PAQR8: variants seen among roughly 807,000 people sequenced by gnomAD.
PAQR8 encodes the protein progestin and adipoQ receptor family member 8.
PAQR8 carries 17 observed loss-of-function variants against 25.2 expected under a neutral mutation model. That is an observed-to-expected ratio of 0.67 (90% CI 0.46 to 1.01). PAQR8 has a LOEUF of 1.01. Ranked by LOEUF, PAQR8 falls within the 50% of genes least tolerant of loss-of-function variation. The probability of loss-of-function intolerance (pLI) is 0.00; values close to 1 mark genes in which losing one functional copy is unlikely to be tolerated. For synonymous variants in PAQR8, 204 were observed against 190.6 expected (o/e 1.07, Z -0.58); for missense variants, 392 against 448.4 (o/e 0.87, Z 1.14).
At chr6:52,389,621 T>A (rs902570927) in intron 1 of PAQR8, among the ~76,000 whole-genome samples, 2 of 152,218 alleles carry the variant, frequency 1.3e-5, no homozygotes, top group Non-Finnish European at 2.9e-5. Flanking sequence ...ATAAAGTGAC[T>A]TGCTTGACTC....
At position 52,407,769 on chromosome 6, in the gene PAQR8, G is replaced by A. The variant is rs943657496; in HGVS notation, c.*3491G>A. The A allele has an allele frequency of 2.0e-5, 3 of 147,586 alleles. No homozygotes were observed. The highest frequency in any genetic ancestry group is 4.6e-5 in the Non-Finnish European group (3 of 65,474). The allele number at this position is 147,586 out of a possible 1,614,324, so 9.1% of individuals were successfully genotyped here. A position where few individuals can be genotyped will look rare whatever the true frequency, so the allele number is the denominator to read the frequency against. On this transcript the variant is annotated 3_prime_UTR_variant, in exon 2 of 2. Coordinates refer to ENST00000442253, the MANE Select transcript of PAQR8 (RefSeq NM_133367.5). ...TATGAATAACCATTAAAGTGATTTTGTATATGCATTGTTGTAGTGTCAGCA... is the reference window on the plus strand; with the variant it reads ...TATGAATAACCATTAAAGTGATTTTATATATGCATTGTTGTAGTGTCAGCA...
intron 1 of PAQR8, among the ~76,000 whole-genome samples, chr6:52,390,631 G>A (rs1308592918): frequency 1.3e-5 from 2 of 152,186 alleles, no homozygotes; most frequent in East Asian, 1.9e-4. Context: ...TGTGGGGAAG[G>A]TCTTTTGACA....
chr6:52,379,096 CAAAAAAAAAA>C (rs70977347), intron 1 of PAQR8, among the ~76,000 whole-genome samples: 2 of 92,998 alleles, frequency 2.2e-5, no homozygotes, highest in Non-Finnish European at 4.3e-5. Flanking sequence ...TACTCTTTAT[CAAAAAAAAAA>C]AAAAAAAAAA....
At chr6:52,393,477 A>C (rs1763733920) in intron 1 of PAQR8, among the ~76,000 whole-genome samples, 1 of 151,742 alleles carries the variant, frequency 6.6e-6, no homozygotes. Flanking sequence ...TTGGGACTAC[A>C]GGTGTGCGCC....
chr6:52,382,184 C>T (rs924256571), intron 1 of PAQR8, among the ~76,000 whole-genome samples: 2 of 152,164 alleles, frequency 1.3e-5, no homozygotes, highest in Admixed American at 6.5e-5. Context: ...GTGATACAAA[C>T]TGGAGGATGC....
intron 1 of PAQR8, among the ~76,000 whole-genome samples, chr6:52,364,083 G>GTTTTTTTTTTTTGT (rs1763322753): frequency 1.2e-5 from 1 of 84,268 alleles, no homozygotes; most frequent in Admixed American, 1.8e-4. Context: ...TGAAAGATAT[G>GTTTTTTTTTTTTGT]TTTTTTTTTT....
Position 52,404,440 on chromosome 6 carries a change from G to A in PAQR8, c.*162G>A, listed in dbSNP as rs940310494. The A allele has an allele frequency of 2.8e-6, 2 of 718,610 alleles. No individual in the cohort carries two copies. Among genetic ancestry groups the A allele is most frequent in the Non-Finnish European group, 4.5e-6 (2 of 443,218 alleles). The allele number at this position is 718,610 out of a possible 1,614,324, so 44.5% of individuals were successfully genotyped here. ...GAAAGCCAAAGGATTTAAGAGTTTTGTTGTTGTTAATAAAAGGAATACTCC... is the reference window on the plus strand; with the variant it reads ...GAAAGCCAAAGGATTTAAGAGTTTTATTGTTGTTAATAAAAGGAATACTCC... On this transcript the variant is annotated 3_prime_UTR_variant, in exon 2 of 2. Transcript: ENST00000442253.
At chr6:52,374,923 G>T (rs1275131794) in intron 1 of PAQR8, among the ~76,000 whole-genome samples, 4 of 149,274 alleles carry the variant, frequency 2.7e-5, no homozygotes, top group Non-Finnish European at 5.9e-5. Flanking sequence ...TATTATTAGA[G>T]ATAATAATTA....
At chr6:52,373,213 G>C (rs1230476250) in intron 1 of PAQR8, among the ~76,000 whole-genome samples, 1 of 152,174 alleles carries the variant, frequency 6.6e-6, no homozygotes, top group East Asian at 1.9e-4. Context: ...GCTGTGAAAG[G>C]CCCGTCTGAA....
At chr6:52,364,139 C>T (rs1304757542) in intron 1 of PAQR8, among the ~76,000 whole-genome samples, 1 of 124,882 alleles carries the variant, frequency 8.0e-6, no homozygotes, top group African/African-American at 3.0e-5. Flanking sequence ...CCTTCTGGTG[C>T]ATATAGGTCC....
In PAQR8 at chr6:52,368,812, C is replaced by T. The variant is rs531940925; in HGVS notation, c.-53+6563C>T. The stretch of plus-strand genomic sequence containing the variant: ...GTGATATGGTTTAGCTCTGTGTCTC[C>T]CACCCAAATCTCACCTTGAATTGTA... On this transcript the variant is annotated intron_variant, in intron 1 of 1. Transcript: ENST00000442253. Among the ~76,000 whole-genome samples the T allele has an allele frequency of 2.6e-5, 4 of 152,000 alleles. No homozygotes were observed. The South Asian group carries it at 8.3e-4, about 32-fold the overall frequency.
At chr6:52,368,047 T>G (rs113441035) in intron 1 of PAQR8, among the ~76,000 whole-genome samples, 2 of 151,974 alleles carry the variant, frequency 1.3e-5, no homozygotes, top group African/African-American at 4.8e-5. Context: ...CTGGGCAACA[T>G]GGCAAGACCC....
At chr6:52,398,211 T>C (rs570081134) in intron 1 of PAQR8, among the ~76,000 whole-genome samples, 4 of 121,982 alleles carry the variant, frequency 3.3e-5, no homozygotes, top group Admixed American at 7.9e-5. Context: ...TTTCTTTTTT[T>C]TTTTTTTTTT....
At chr6:52,366,608 A>G (rs1040203334) in intron 1 of PAQR8, among the ~76,000 whole-genome samples, 5 of 152,198 alleles carry the variant, frequency 3.3e-5, no homozygotes, top group African/African-American at 1.2e-4. Flanking sequence ...ATTACAAAGT[A>G]TATCTGCAGG....
At chr6:52,394,091 G>C (rs1467512512) in intron 1 of PAQR8, among the ~76,000 whole-genome samples, 1 of 152,184 alleles carries the variant, frequency 6.6e-6, no homozygotes, top group Non-Finnish European at 1.5e-5. Context: ...GTTCCTGTGA[G>C]AGATAATAAG....
intron 1 of PAQR8, among the ~76,000 whole-genome samples, chr6:52,363,425 G>A (rs1387275595): frequency 6.6e-6 from 1 of 152,200 alleles, no homozygotes; most frequent in Non-Finnish European, 1.5e-5. Context: ...GATTTCAAAT[G>A]TACAGGTAAT....
chr6:52,388,356 A>T (rs1235842339), intron 1 of PAQR8, among the ~76,000 whole-genome samples: 3 of 151,986 alleles, frequency 2.0e-5, no homozygotes, highest in Admixed American at 2.0e-4. Flanking sequence ...AGCCTGGGCA[A>T]CAGAGCAAGA....
chr6:52,406,632 G>T lies in PAQR8; in HGVS notation c.*2354G>T, dbSNP rs988439398. Reference sequence around the variant, plus strand: ...GGCTGGAGTGCAGTGATGCAATCACGGCTCACTGCAGCCTCGACCTCCCCA... The same window carrying T: ...GGCTGGAGTGCAGTGATGCAATCACTGCTCACTGCAGCCTCGACCTCCCCA... On this transcript the variant is annotated 3_prime_UTR_variant, in exon 2 of 2. Coordinates refer to ENST00000442253, the MANE Select transcript of PAQR8 (RefSeq NM_133367.5). The T allele has an allele frequency of 2.2e-5, 9 of 409,108 alleles. No individual in the cohort carries two copies. Among genetic ancestry groups the T allele is most frequent in the Non-Finnish European group, 3.5e-5 (8 of 226,074 alleles). The allele number at this position is 409,108 out of a possible 1,614,324, so 25.3% of individuals were successfully genotyped here. A position where few individuals can be genotyped will look rare whatever the true frequency, so the allele number is the denominator to read the frequency against.
intron 1 of PAQR8, among the ~76,000 whole-genome samples, chr6:52,399,410 A>G (rs1225045931): frequency 6.6e-6 from 1 of 152,212 alleles, no homozygotes; most frequent in Non-Finnish European, 1.5e-5. Context: ...GCTCTCTTCC[A>G]ATCGCTAAAC....
Sources: gnomAD v4.1 joint callset for allele counts (sites outside exome capture counted in the v4.1 genomes callset) on GRCh38, gnomAD v4.1.1 for gene constraint, MANE v1.5 for transcripts, NCBI Gene and HGNC (gene_info 2026-07-23, HGNC 2026-07-21) for gene names.